Variants in COL24A1 observed in about 807,000 individuals in gnomAD.
COL24A1 encodes the protein collagen alpha-1(XXIV) chain.
Under a neutral mutation model 253.9 loss-of-function variants are expected in COL24A1, and 224 were observed. The ratio of observed to expected loss-of-function variants is 0.88; its 90% CI spans 0.79 to 0.99. The LOEUF (loss-of-function observed/expected upper bound fraction) is 0.99, where lower values mean the gene tolerates loss of function less well. Among genes scored for constraint, COL24A1 ranks in the 50% least tolerant of loss-of-function variants. The pLI is 0.00. For synonymous variants in COL24A1, 685 were observed against 673.7 expected (o/e 1.02, Z -0.26); for missense variants, 2,131 against 2,068.5 (o/e 1.03, Z -0.59).
chr1:85,896,809 T>C (rs1683794220), intron 28 of COL24A1, among the ~76,000 whole-genome samples: 1 of 152,204 alleles, frequency 6.6e-6, no homozygotes, highest in South Asian at 2.1e-4. Flanking sequence ...ACGGCCAAGA[T>C]GTTGATTTTA....
At chr1:85,889,119 A>G (rs1449727965) in intron 32 of COL24A1, among the ~76,000 whole-genome samples, 2 of 152,084 alleles carry the variant, frequency 1.3e-5, no homozygotes, top group Non-Finnish European at 2.9e-5. Context: ...AAGCTTTTGT[A>G]CTGTTGATGT....
At chr1:85,877,278 A>T in intron 32 of COL24A1, 103 bp from the exon 33 acceptor site, 1 of 707,950 alleles carries the variant, frequency 1.4e-6, no homozygotes, top group South Asian at 2.3e-5. Flanking sequence ...ATAACACATG[A>T]TTATGTAAAT....
At chr1:85,913,328 T>G (rs543072877) in intron 24 of COL24A1, among the ~76,000 whole-genome samples, 2 of 152,168 alleles carry the variant, frequency 1.3e-5, no homozygotes, top group Non-Finnish European at 2.9e-5. Context: ...GGGCAAGACT[T>G]TCCAGAAGGC....
chr1:85,957,428 GA>G (rs545092919), intron 24 of COL24A1, among the ~76,000 whole-genome samples: 11 of 152,270 alleles, frequency 7.2e-5, no homozygotes, highest in South Asian at 4.1e-4. Context: ...AGGAAGACTA[GA>G]AACATCAACA....
At chr1:85,866,274 T>C (rs1482518461) in intron 37 of COL24A1, among the ~76,000 whole-genome samples, 3 of 152,186 alleles carry the variant, frequency 2.0e-5, no homozygotes, top group African/African-American at 7.2e-5. Flanking sequence ...AGATTCTTTA[T>C]TAATAATTTC....
At chr1:85,748,276 G>T (rs1167545023) in intron 55 of COL24A1, among the ~76,000 whole-genome samples, 1 of 152,194 alleles carries the variant, frequency 6.6e-6, no homozygotes, top group Non-Finnish European at 1.5e-5. Context: ...GGTACTCTAT[G>T]ATAAAACTGG....
At chr1:85,832,862 T>G (rs442497) in intron 43 of COL24A1, among the ~76,000 whole-genome samples, 60,331 of 149,594 alleles carry the variant, frequency 0.4, 13,406 homozygotes, top group East Asian at 0.58. Context: ...TACAATCATG[T>G]CATCTGCAAA....
chr1:85,872,689 A>G (rs193121660), intron 35 of COL24A1, among the ~76,000 whole-genome samples: 75 of 152,340 alleles, frequency 4.9e-4, no homozygotes, highest in South Asian at 2.1e-4. Flanking sequence ...AAATTAATTC[A>G]AGATGGATTA....
intron 3 of COL24A1, among the ~76,000 whole-genome samples, chr1:86,122,209 G>T (rs1268684198): frequency 6.6e-6 from 1 of 151,782 alleles, no homozygotes; most frequent in African/African-American, 2.4e-5. Context: ...TGACTTCTCT[G>T]TCTCTTTTGG....
intron 42 of COL24A1, among the ~76,000 whole-genome samples, chr1:85,839,163 C>T (rs1676342624): frequency 6.6e-6 from 1 of 152,130 alleles, no homozygotes; most frequent in Non-Finnish European, 1.5e-5. Context: ...TGCACCACTG[C>T]TCTCCAGCCT....
At chr1:86,137,690 A>G (rs1650462423) in intron 2 of COL24A1, among the ~76,000 whole-genome samples, 1 of 152,164 alleles carries the variant, frequency 6.6e-6, no homozygotes, top group Non-Finnish European at 1.5e-5. Context: ...CATCCAAACC[A>G]TGGCTGCAAC....
chr1:86,078,962 A>T (rs2101893769), intron 7 of COL24A1, among the ~76,000 whole-genome samples: 1 of 152,294 alleles, frequency 6.6e-6, no homozygotes, highest in Non-Finnish European at 1.5e-5. Context: ...CAATCCTAAA[A>T]TTTATGTGGA....
At chr1:86,027,426 T>C (rs1375925523) in intron 14 of COL24A1, among the ~76,000 whole-genome samples, 1 of 152,146 alleles carries the variant, frequency 6.6e-6, no homozygotes, top group Non-Finnish European at 1.5e-5. Flanking sequence ...TTGTGCAGTC[T>C]CAGGACTTGG....
chr1:85,946,991 T>C (rs1429958549), intron 24 of COL24A1, among the ~76,000 whole-genome samples: 1 of 152,206 alleles, frequency 6.6e-6, no homozygotes, highest in African/African-American at 2.4e-5. Flanking sequence ...AAAGGGATAA[T>C]TCTGAGTTTC....
intron 24 of COL24A1, among the ~76,000 whole-genome samples, chr1:85,917,879 G>A (rs1686049600): frequency 1.3e-5 from 2 of 151,922 alleles, no homozygotes; most frequent in Admixed American, 1.3e-4. Flanking sequence ...TAATTTTTTT[G>A]TAGTTTTTAG....
intron 10 of COL24A1, among the ~76,000 whole-genome samples, chr1:86,055,906 A>G (rs1207809300): frequency 2.0e-5 from 3 of 152,074 alleles, no homozygotes; most frequent in Non-Finnish European, 4.4e-5. Flanking sequence ...GCAGATCACA[A>G]GGTCAGGAGT....
chr1:85,888,399 T>C (rs1324024181), intron 32 of COL24A1, among the ~76,000 whole-genome samples: 1 of 152,066 alleles, frequency 6.6e-6, no homozygotes, highest in Non-Finnish European at 1.5e-5. Context: ...TCTATGAGTG[T>C]TTTGTCACCT....
chr1:86,093,285 T>C (rs1327746702), intron 5 of COL24A1, among the ~76,000 whole-genome samples: 1 of 152,046 alleles, frequency 6.6e-6, no homozygotes, highest in Non-Finnish European at 1.5e-5. Context: ...CTGTATTCTA[T>C]AGTCAAAGAA....
At chr1:85,747,464 C>T (rs1665363170) in intron 55 of COL24A1, among the ~76,000 whole-genome samples, 1 of 151,958 alleles carries the variant, frequency 6.6e-6, no homozygotes, top group Admixed American at 6.5e-5. Context: ...TAAAACTATT[C>T]ATGTGTCAAT....
Sources: allele counts gnomAD v4.1 joint callset (sites outside exome capture counted in the v4.1 genomes callset), GRCh38; gene constraint gnomAD v4.1.1; transcripts MANE v1.5; gene names NCBI Gene and HGNC (gene_info 2026-07-23, HGNC 2026-07-21).